TMEM237: variants seen among roughly 807,000 people sequenced by gnomAD.
TMEM237 encodes transmembrane protein 237, also known as amyotrophic lateral sclerosis 2 (juvenile) chromosome region, candidate 4.
A neutral mutation model predicts 59.1 loss-of-function variants in TMEM237; 51 were observed. That is an observed-to-expected ratio of 0.86 (90% CI 0.69 to 1.09). The LOEUF (loss-of-function observed/expected upper bound fraction) is 1.09. TMEM237 is among the 50% of genes least tolerant of loss of function. The probability of loss-of-function intolerance (pLI) is 0.00; values close to 1 mark genes in which losing one functional copy is unlikely to be tolerated. For synonymous variants in TMEM237, 140 were observed against 166.1 expected (o/e 0.84, Z 1.21); for missense variants, 475 against 478.3 (o/e 0.99, Z 0.06).
chr2:201,638,117 C>T (rs993211224), intron 4 of TMEM237, among the ~76,000 whole-genome samples: 1 of 152,124 alleles, frequency 6.6e-6, no homozygotes, highest in Non-Finnish European at 1.5e-5. Flanking sequence ...TTGGAAATAA[C>T]CTAAATAAAT....
In TMEM237 at chr2:201,623,926, T is replaced by C. The variant is rs907580106; in HGVS notation, c.*329A>G. 1.1e-4 allele frequency: 20 copies of C among 180,498 alleles called. No homozygotes were observed. Among genetic ancestry groups the C allele is most frequent in the Non-Finnish European group, 2.3e-5 (2 of 86,858 alleles). 11.2% of individuals were successfully genotyped at this position (180,498 alleles called of 1,614,324 possible). A position where few individuals can be genotyped will look rare whatever the true frequency, so the allele number is the denominator to read the frequency against. ...ACCTGATATATATTTTATAACACTA[T>C]TTAAGTTATGGCTTTTTCTAAACCA... On this transcript the variant is annotated 3_prime_UTR_variant, in exon 13 of 13. Transcript: ENST00000409883.
At position 201,623,150 on chromosome 2, in the gene TMEM237, C is replaced by A; in HGVS notation, c.*1105G>T. ...TAGACCTATTGTCAGGGTCAACTGT[C>A]TCTATCATCAATTTGTCAATCCTCT... On this transcript the variant is annotated 3_prime_UTR_variant, in exon 13 of 13. Coordinates refer to ENST00000409883, the MANE Select transcript of TMEM237 (RefSeq NM_001044385.3). The A allele has an allele frequency of 3.7e-6, 1 of 266,850 alleles. No individual in the cohort carries two copies. The highest frequency in any genetic ancestry group is 8.0e-6 in the Non-Finnish European group (1 of 124,416). The allele number at this position is 266,850 out of a possible 1,614,324, so 16.5% of individuals were successfully genotyped here.
rs115300476 is a variant in TMEM237, at chr2:201,624,767, G to A, written c.1160-445C>T. 3.7e-3 allele frequency among the ~76,000 whole-genome samples: 562 copies of A among 152,190 alleles called. 8 individuals are homozygous for A. Among genetic ancestry groups the A allele is most frequent in the African/African-American group, 0.013 (531 of 41,534 alleles). ...CATCCCATTTAATCATCAAAACAACGCAAGAAGCCAGGTATTATCATCTCA... is the reference window on the plus strand; with the variant it reads ...CATCCCATTTAATCATCAAAACAACACAAGAAGCCAGGTATTATCATCTCA... On this transcript the variant is annotated intron_variant, in intron 12 of 12. Transcript: ENST00000409883.
chr2:201,639,524 A>G, intron 3 of TMEM237, among the ~76,000 whole-genome samples: 1 of 152,204 alleles, frequency 6.6e-6, no homozygotes, highest in East Asian at 1.9e-4. Flanking sequence ...GACCAGGCGC[A>G]GTGGCTCACA....
In TMEM237 at chr2:201,643,275, C is replaced by CGG; in HGVS notation, c.42+83_42+84insCC. On this transcript the variant is annotated intron_variant, in intron 1 of 12. Transcript: ENST00000409883. The surrounding 1 kb of genome is among the most constrained non-coding windows in gnomAD (Gnocchi z 4.3). ...CTTAGTGATTCCCAGCTCGTTGGCG[C>CGG]CCCCCCACACACACCCACCCCCACT... is the stretch of plus-strand genomic sequence containing the variant. The CGG allele has an allele frequency of 1.0e-6, 1 of 993,836 alleles. No homozygotes were observed. Among genetic ancestry groups the CGG allele is most frequent in the Non-Finnish European group, 1.5e-6 (1 of 655,896 alleles). The allele number at this position is 993,836 out of a possible 1,614,324, so 61.6% of individuals were successfully genotyped here.
rs1203150027 is a variant in TMEM237 at position 201,635,829 on chromosome 2, A to G, written c.274+919T>C. ...CTTTTCTAGAGACTTCAGAGGGAGC[A>G]TAGTCCTGCAGACAACTTGATTTTG... On this transcript the variant is annotated intron_variant, in intron 5 of 12. Coordinates refer to ENST00000409883, the MANE Select transcript of TMEM237 (RefSeq NM_001044385.3). This position sits in a 1 kb window ranked among gnomAD's most constrained non-coding sequence, Gnocchi z 4.5. Among the ~76,000 whole-genome samples, 1 of 151,964 alleles carries G rather than the reference A, an allele frequency of 6.6e-6. No individual in the cohort carries two copies. Among genetic ancestry groups the G allele is most frequent in the South Asian group, 2.1e-4 (1 of 4,824 alleles).
intron 10 of TMEM237, 133 bp downstream of exon 10, chr2:201,627,943 T>A: frequency 1.9e-6 from 1 of 534,028 alleles, no homozygotes; most frequent in South Asian, 4.4e-5. Flanking sequence ...TAATTACAAA[T>A]TCACTGAACA....
rs1177155946 is a variant in TMEM237, at chr2:201,621,094, T to TA, written c.*3160dup. The TA allele has an allele frequency of 1.3e-5, 2 of 152,182 alleles. No individual in the cohort carries two copies. Among genetic ancestry groups the TA allele is most frequent in the Non-Finnish European group, 1.5e-5 (1 of 68,026 alleles). The allele number at this position is 152,182 out of a possible 1,614,324, so 9.4% of individuals were successfully genotyped here. A position where few individuals can be genotyped will look rare whatever the true frequency, so the allele number is the denominator to read the frequency against. On this transcript the variant is annotated 3_prime_UTR_variant, in exon 13 of 13. Transcript: ENST00000409883. The stretch of plus-strand genomic sequence containing the variant: ...TTCTTAGGGTTCATGTTATGCAACA[T>TA]AAAGTACACAGCATCACAGATGAAG...
chr2:201,623,268 G>A lies in TMEM237; in HGVS notation c.*987C>T, dbSNP rs568084746. On this transcript the variant is annotated 3_prime_UTR_variant, in exon 13 of 13. Transcript: ENST00000409883. ...AGCCTTTGAAACATTTTTTCCCATAGCTAGTCTTCTCCTCAACTTGAGCTT... is the reference window on the plus strand; with the variant it reads ...AGCCTTTGAAACATTTTTTCCCATAACTAGTCTTCTCCTCAACTTGAGCTT... The A allele has an allele frequency of 2.6e-4, 109 of 421,092 alleles. No individual in the cohort carries two copies. The highest frequency in any genetic ancestry group is 4.6e-4 in the Non-Finnish European group (96 of 208,128). The allele number at this position is 421,092 out of a possible 1,614,324, so 26.1% of individuals were successfully genotyped here. A position where few individuals can be genotyped will look rare whatever the true frequency, so the allele number is the denominator to read the frequency against.
Position 201,621,245 on chromosome 2 carries a change from G to A in TMEM237, c.*3010C>T, listed in dbSNP as rs1188413141. 1 of 152,132 alleles carries A rather than the reference G, an allele frequency of 6.6e-6. No individual in the cohort carries two copies. Among genetic ancestry groups the A allele is most frequent in the Non-Finnish European group, 1.5e-5 (1 of 68,024 alleles). The allele number at this position is 152,132 out of a possible 1,614,324, so 9.4% of individuals were successfully genotyped here. ...AAAGTCAGACAATTAAAAAATGTAG[G>A]TGAGGCACTCTAAAGCAACTAGCTT... On this transcript the variant is annotated 3_prime_UTR_variant, in exon 13 of 13. Coordinates refer to ENST00000409883, the MANE Select transcript of TMEM237 (RefSeq NM_001044385.3).
At chr2:201,627,079 C>T (rs905855701) in intron 11 of TMEM237, among the ~76,000 whole-genome samples, 6 of 115,658 alleles carry the variant, frequency 5.2e-5, no homozygotes, top group Admixed American at 9.3e-5. Flanking sequence ...GACTCTATCT[C>T]GAAAAAAAAA....
intron 1 of TMEM237, chr2:201,642,519 C>A (rs902324986): frequency 9.5e-5 from 139 of 1,466,352 alleles, no homozygotes; most frequent in Non-Finnish European, 1.2e-4. Flanking sequence ...GTTCCACCCA[C>A]CCAGAGACCC....
chr2:201,627,300 A>G lies in TMEM237; in HGVS notation c.1037+21T>C, dbSNP rs765205099. 4.5e-6 allele frequency: 7 copies of G among 1,545,800 alleles called. No homozygotes were observed. The Admixed American group carries it at 7.1e-5, about 16-fold the overall frequency. On this transcript the variant is annotated intron_variant, in intron 11 of 12. Coordinates refer to ENST00000409883, the MANE Select transcript of TMEM237 (RefSeq NM_001044385.3). ...GCTGTTATTGCCATTAACAATTGCT[A>G]ATGTCATTGTGAATTCTTACCAGAG...
At chr2:201,629,051 AT>A (rs1170084471) in intron 9 of TMEM237, among the ~76,000 whole-genome samples, 178 bp downstream of exon 9, 2 of 152,222 alleles carry the variant, frequency 1.3e-5, no homozygotes, top group Non-Finnish European at 2.9e-5. Context: ...TTTTGGGAAT[AT>A]TTTGTTTACA....
rs986285104 is a variant in TMEM237, at chr2:201,643,430, C to T, written c.-30G>A. ...CTCTCCCCGCGGGGCTGCCCCGGCG[C>T]AACCGCCGGCGGCCCGAGCCCAGCT... On this transcript the variant is annotated 5_prime_UTR_variant, in exon 1 of 13. Coordinates refer to ENST00000409883, the MANE Select transcript of TMEM237 (RefSeq NM_001044385.3). This position sits in a 1 kb window ranked among gnomAD's most constrained non-coding sequence, Gnocchi z 4.3. 10 of 1,480,706 alleles carry T rather than the reference C, an allele frequency of 6.8e-6. No individual in the cohort carries two copies. The highest frequency in any genetic ancestry group is 2.9e-5 in the African/African-American group (2 of 68,372). 91.7% of individuals were successfully genotyped at this position (1,480,706 alleles called of 1,614,324 possible). A position where few individuals can be genotyped will look rare whatever the true frequency, so the allele number is the denominator to read the frequency against.
chr2:201,623,998 AG>A lies in TMEM237; in HGVS notation c.*256del. On this transcript the variant is annotated 3_prime_UTR_variant, in exon 13 of 13. Transcript: ENST00000409883. Reference sequence around the variant, plus strand: ...ATAAATACAACTGTTTTGAGAAAATAGGAAATAAACACTTTCACTTGCTGGT... The same window carrying A: ...ATAAATACAACTGTTTTGAGAAAATAGAAATAAACACTTTCACTTGCTGGT... The A allele has an allele frequency of 3.3e-6, 1 of 301,400 alleles. No homozygotes were observed. Among genetic ancestry groups the A allele is most frequent in the Non-Finnish European group, 6.1e-6 (1 of 164,330 alleles). The allele number at this position is 301,400 out of a possible 1,614,324, so 18.7% of individuals were successfully genotyped here.
chr2:201,628,660 T>C (rs955469317), intron 9 of TMEM237, among the ~76,000 whole-genome samples: 1 of 152,112 alleles, frequency 6.6e-6, no homozygotes, highest in Non-Finnish European at 1.5e-5. Context: ...GATACAGAGA[T>C]ACACAGGGGG....
chr2:201,636,478 T>C lies in TMEM237; in HGVS notation c.274+270A>G. ...AATGTCCATTTCATCATTTACTAGA[T>C]TTTTCTATGCACTGAGATCTGAACT... On this transcript the variant is annotated intron_variant, in intron 5 of 12. Coordinates refer to ENST00000409883, the MANE Select transcript of TMEM237 (RefSeq NM_001044385.3). 9 of 319,114 alleles carry C rather than the reference T, an allele frequency of 2.8e-5. No individual in the cohort carries two copies. In the South Asian group the frequency reaches 5.0e-4, roughly 18 times the overall value. 19.8% of individuals were successfully genotyped at this position (319,114 alleles called of 1,614,324 possible).
At chr2:201,629,614 C>T in intron 8 of TMEM237, 115 bp downstream of exon 8, 2 of 1,420,438 alleles carry the variant, frequency 1.4e-6, no homozygotes, top group Non-Finnish European at 1.9e-6. Flanking sequence ...TACCTACCTA[C>T]CATTTTAAGT....
Sources: allele counts gnomAD v4.1 joint callset (sites outside exome capture counted in the v4.1 genomes callset), GRCh38; gene constraint gnomAD v4.1.1; non-coding constraint Gnocchi (gnomAD v3.1); transcripts MANE v1.5; gene names NCBI Gene and HGNC (gene_info 2026-07-23, HGNC 2026-07-21).